Variants in RIMS2 observed in about 807,000 individuals in gnomAD.
RIMS2 encodes regulating synaptic membrane exocytosis 2, also known as regulating synaptic membrane exocytosis protein 2.
Under a neutral mutation model 174.4 loss-of-function variants are expected in RIMS2, and 59 were observed. The observed-to-expected ratio is 0.34, with a 90% CI of 0.27 to 0.42. RIMS2 has a LOEUF of 0.42. RIMS2 is among the 10% of genes least tolerant of loss of function. RIMS2 has a pLI of 1.00. For missense variants in RIMS2, 1,620 were observed against 1,666.3 expected (o/e 0.97, Z 0.48); for synonymous variants, 606 against 572.5 (o/e 1.06, Z -0.84).
chr8:104,193,236 C>T (rs75375446), intron 19 of RIMS2, among the ~76,000 whole-genome samples: 3,469 of 145,050 alleles, frequency 0.024, 136 homozygotes, highest in African/African-American at 0.083. Flanking sequence ...AATTTAGATT[C>T]TCTTTTTACT....
rs2154425101 is a variant in RIMS2 at position 103,767,582 on chromosome 8, T to A, written c.698+1045T>A. 2.0e-5 allele frequency among the ~76,000 whole-genome samples: 3 copies of A among 152,318 alleles called. No homozygotes were observed. In the South Asian group the frequency reaches 6.2e-4, roughly 32 times the overall value. On this transcript the variant is annotated intron_variant, in intron 3 of 23. Transcript: ENST00000504942. Reference sequence around the variant, plus strand: ...CAGAAGTAGCAGATACATTTCTGTGTTGAATAAGTACAAAGTCATGCATTC... The same window carrying A: ...CAGAAGTAGCAGATACATTTCTGTGATGAATAAGTACAAAGTCATGCATTC...
chr8:104,164,070 C>T lies in RIMS2; in HGVS notation c.3335-80846C>T, dbSNP rs147084314. The stretch of plus-strand genomic sequence containing the variant: ...TCGTAGCCCAAAGGTAGGGGAACAG[C>T]GGCCACCCACCTTTATCAAATCCTT... On this transcript the variant is annotated intron_variant, in intron 19 of 23. Coordinates refer to ENST00000504942, the Ensembl canonical transcript of RIMS2. Among the ~76,000 whole-genome samples the T allele has an allele frequency of 6.0e-3, 919 of 152,264 alleles. 39 individuals are homozygous for T. Among genetic ancestry groups the T allele is most frequent in the Admixed American group, 0.055 (847 of 15,302 alleles).
intron 3 of RIMS2, among the ~76,000 whole-genome samples, chr8:103,834,680 C>CTTTCT (rs1342696980): frequency 7.6e-5 from 3 of 39,698 alleles, no homozygotes; most frequent in Non-Finnish European, 1.3e-4. Flanking sequence ...AGGTCTTTTT[C>CTTTCT]TTTCTTTCTT....
In RIMS2 at chr8:104,223,427, C is replaced by T; in HGVS notation, c.3335-21489C>T. The T allele has an allele frequency of 2.3e-6, 3 of 1,298,458 alleles. No homozygotes were observed. The African/African-American group carries it at 4.6e-5, about 20-fold the overall frequency. 80.4% of individuals were successfully genotyped at this position (1,298,458 alleles called of 1,614,324 possible). A position where few individuals can be genotyped will look rare whatever the true frequency, so the allele number is the denominator to read the frequency against. On this transcript the variant is annotated intron_variant, in intron 19 of 23. Transcript: ENST00000504942. Reference sequence around the variant, plus strand: ...GCAGCCGCTCCGCCCGCCACCGCCTCCATCTCCTCCTCTGGACCCCTCTCC... The same window carrying T: ...GCAGCCGCTCCGCCCGCCACCGCCTTCATCTCCTCCTCTGGACCCCTCTCC...
chr8:103,725,495 G>A (rs2097517163), intron 2 of RIMS2, among the ~76,000 whole-genome samples: 1 of 152,114 alleles, frequency 6.6e-6, no homozygotes, highest in African/African-American at 2.4e-5. Context: ...AATATGTAGT[G>A]TCCTCTTTCA....
intron 3 of RIMS2, among the ~76,000 whole-genome samples, chr8:103,849,583 T>G (rs2154492210): frequency 6.6e-6 from 1 of 152,104 alleles, no homozygotes; most frequent in Admixed American, 6.6e-5. Flanking sequence ...AACTTTGGTA[T>G]CGCCATATCA....
intron 1 of RIMS2, among the ~76,000 whole-genome samples, chr8:103,633,528 A>G (rs778835496): frequency 6.6e-6 from 1 of 152,140 alleles, no homozygotes; most frequent in East Asian, 1.9e-4. Context: ...AGGTTTTGGT[A>G]TCAAGATGAT....
intron 3 of RIMS2, among the ~76,000 whole-genome samples, chr8:103,856,172 T>C (rs746068014): frequency 9.9e-5 from 15 of 151,764 alleles, no homozygotes; most frequent in Non-Finnish European, 1.9e-4. Flanking sequence ...TTATCTGATA[T>C]AGGATAGCAA....
chr8:103,762,615 G>A (rs567743192), intron 2 of RIMS2, among the ~76,000 whole-genome samples: 20 of 152,178 alleles, frequency 1.3e-4, no homozygotes, highest in African/African-American at 3.9e-4. Flanking sequence ...CAATACCGTC[G>A]CCAATTTATA....
intron 1 of RIMS2, among the ~76,000 whole-genome samples, chr8:103,554,944 ACC>A (rs1849735275): frequency 6.6e-6 from 1 of 152,124 alleles, no homozygotes; most frequent in African/African-American, 2.4e-5. Context: ...AAAAACAAAT[ACC>A]ACATGTTCTC....
chr8:103,815,923 A>G (rs2098715391), intron 3 of RIMS2, among the ~76,000 whole-genome samples: 2 of 152,310 alleles, frequency 1.3e-5, no homozygotes, highest in South Asian at 2.1e-4. Flanking sequence ...TGGTAAAACC[A>G]TAGCTCAGAT....
At chr8:103,617,156 A>C (rs1035942684) in intron 1 of RIMS2, among the ~76,000 whole-genome samples, 2 of 152,142 alleles carry the variant, frequency 1.3e-5, no homozygotes, top group African/African-American at 4.8e-5. Flanking sequence ...CATGGTATGG[A>C]TGTGAAAAGA....
chr8:103,999,236 A>G (rs755266116), intron 17 of RIMS2, among the ~76,000 whole-genome samples: 4 of 151,810 alleles, frequency 2.6e-5, no homozygotes, highest in Non-Finnish European at 5.9e-5. Flanking sequence ...TAAAAACTAA[A>G]GAGTAAATTT....
At chr8:104,205,427 T>A (rs189798106) in intron 19 of RIMS2, among the ~76,000 whole-genome samples, 1 of 152,254 alleles carries the variant, frequency 6.6e-6, no homozygotes, top group Admixed American at 6.5e-5. Flanking sequence ...TGTAATTTTT[T>A]GAAAATGGTT....
intron 1 of RIMS2, among the ~76,000 whole-genome samples, chr8:103,536,696 C>G (rs1839913291): frequency 6.6e-6 from 1 of 152,112 alleles, no homozygotes; most frequent in Non-Finnish European, 1.5e-5. Flanking sequence ...TGCAAAAACT[C>G]ACTAACCATC....
At chr8:103,991,073 T>C (rs971355571) in intron 17 of RIMS2, among the ~76,000 whole-genome samples, 1 of 151,878 alleles carries the variant, frequency 6.6e-6, no homozygotes, top group Non-Finnish European at 1.5e-5. Context: ...GTCAGAGATA[T>C]CCTACAATGT....
intron 19 of RIMS2, among the ~76,000 whole-genome samples, chr8:104,188,211 TG>T (rs2098978302): frequency 6.9e-6 from 1 of 145,848 alleles, no homozygotes; most frequent in Non-Finnish European, 1.5e-5. Context: ...GGACTTTTAA[TG>T]GTTTGTTCAG....
rs565286187 is a variant in RIMS2, at chr8:104,084,783, G to T, written c.3334+70168G>T. Among the ~76,000 whole-genome samples, 28 of 152,072 alleles carry T rather than the reference G, an allele frequency of 1.8e-4. No individual in the cohort carries two copies. The South Asian group carries it at 4.6e-3, about 25-fold the overall frequency. On this transcript the variant is annotated intron_variant, in intron 19 of 23. Transcript: ENST00000504942. ...ATACTTACTATATGTCAAGACCTGT[G>T]ATCTCATTTAAAACTCATATTTGTC... is the stretch of plus-strand genomic sequence containing the variant.
intron 2 of RIMS2, among the ~76,000 whole-genome samples, chr8:103,722,490 A>T (rs2204024): frequency 0.013 from 2,052 of 152,198 alleles, 127 homozygotes; most frequent in Admixed American, 0.11. Flanking sequence ...TATAAGCAGC[A>T]CGCAACCTAG....
Sources: allele counts gnomAD v4.1 joint callset (sites outside exome capture counted in the v4.1 genomes callset), GRCh38; gene constraint gnomAD v4.1.1; transcripts MANE v1.5; gene names NCBI Gene and HGNC (gene_info 2026-07-23, HGNC 2026-07-21).